Variants in CLIC2 observed in about 807,000 individuals in gnomAD.
CLIC2 encodes chloride intracellular channel protein 2.
Under a neutral mutation model 14.8 loss-of-function variants are expected in CLIC2, and 9 were observed. That is an observed-to-expected ratio of 0.61 (90% confidence interval 0.37 to 1.06). The LOEUF (loss-of-function observed/expected upper bound fraction) is 1.06, where lower values mean the gene tolerates loss of function less well. Ranked by LOEUF, CLIC2 falls within the 50% of genes least tolerant of loss-of-function variation. The pLI is 0.01. For missense variants in CLIC2, 148 were observed against 181.4 expected (o/e 0.82, Z 1.06); for synonymous variants, 61 against 66.3 (o/e 0.92, Z 0.39).
intron 3 of CLIC2, chrX:155,293,393 C>T: frequency 3.2e-6 from 3 of 939,341 alleles, no homozygotes; most frequent in Non-Finnish European, 4.6e-6. Flanking sequence ...ATACACTGCT[C>T]CCAGTGTGAG....
chrX:155,304,947 C>T (rs1233216177), intron 1 of CLIC2, among the ~76,000 whole-genome samples: 1 of 106,416 alleles, frequency 9.4e-6, no homozygotes, highest in Non-Finnish European at 2.0e-5. Context: ...TCTCAGATCT[C>T]CAGCTGCGTG....
intron 1 of CLIC2, among the ~76,000 whole-genome samples, chrX:155,302,651 A>C (rs1313286195): frequency 1.3e-4 from 8 of 62,496 alleles, no homozygotes; most frequent in African/African-American, 3.2e-4. Context: ...TTGCTTTTCT[A>C]GTTCTTTTAA....
chrX:155,319,531 T>C (rs782689949), intron 1 of CLIC2, among the ~76,000 whole-genome samples: 6 of 112,429 alleles, frequency 5.3e-5, no homozygotes, highest in South Asian at 3.7e-4. Context: ...CTGGCCCAGA[T>C]ACTATGCTTT....
intron 1 of CLIC2, among the ~76,000 whole-genome samples, chrX:155,300,028 A>G (rs781889114): frequency 1.4e-3 from 151 of 109,348 alleles, no homozygotes; most frequent in African/African-American, 4.9e-3. Flanking sequence ...ATAATGCCGC[A>G]ATAAACATAC....
chrX:155,319,527 C>T (rs1411046805), intron 1 of CLIC2, among the ~76,000 whole-genome samples: 1 of 112,299 alleles, frequency 8.9e-6, no homozygotes, highest in African/African-American at 3.2e-5. Flanking sequence ...CACTCTGGCC[C>T]AGATACTATG....
intron 1 of CLIC2, among the ~76,000 whole-genome samples, chrX:155,331,697 G>C (rs1335213825): frequency 9.0e-6 from 1 of 111,102 alleles, no homozygotes; most frequent in Non-Finnish European, 1.9e-5. Flanking sequence ...CTAATCAAGA[G>C]TTGATGACAT....
At chrX:155,318,117 A>C (rs1409826146) in intron 1 of CLIC2, among the ~76,000 whole-genome samples, 1 of 111,689 alleles carries the variant, frequency 9.0e-6, no homozygotes, top group Admixed American at 9.5e-5. Flanking sequence ...CAGGGAAAAG[A>C]TGAAAGCATT....
At chrX:155,298,731 C>T (rs200903076) in intron 3 of CLIC2, 54 bp downstream of exon 3, 2 of 1,179,283 alleles carry the variant, frequency 1.7e-6, no homozygotes, top group Middle Eastern at 2.9e-4. Flanking sequence ...CTGCAATAAA[C>T]AAGCCAGTAA....
chrX:155,333,825 G>GT (rs782525605), intron 1 of CLIC2, among the ~76,000 whole-genome samples: 30 of 109,143 alleles, frequency 2.7e-4, no homozygotes, highest in African/African-American at 8.6e-4. Flanking sequence ...ACAGACTCCT[G>GT]TTTTTTTTCT....
chrX:155,291,926 T>C (rs782719470), intron 3 of CLIC2, among the ~76,000 whole-genome samples: 2 of 112,205 alleles, frequency 1.8e-5, no homozygotes, highest in East Asian at 5.6e-4. Context: ...ACCTTCTCCA[T>C]TCCCGCCCGC....
intron 3 of CLIC2, among the ~76,000 whole-genome samples, chrX:155,294,124 G>C (rs1602937247): frequency 8.9e-6 from 1 of 111,769 alleles, no homozygotes; most frequent in African/African-American, 3.2e-5. Context: ...TCAGCACATG[G>C]AATATTCTCC....
chrX:155,287,169 C>T (rs1169838687), intron 3 of CLIC2, among the ~76,000 whole-genome samples: 3 of 111,610 alleles, frequency 2.7e-5, no homozygotes, highest in African/African-American at 6.5e-5. Flanking sequence ...CAGCTTCAAT[C>T]GTCTGCATAG....
chrX:155,304,486 A>T (rs1418309038), intron 1 of CLIC2, among the ~76,000 whole-genome samples: 2 of 77,560 alleles, frequency 2.6e-5, no homozygotes, highest in Non-Finnish European at 5.2e-5. Flanking sequence ...ATTCTTCTAA[A>T]TTTTTTTCAA....
intron 1 of CLIC2, among the ~76,000 whole-genome samples, chrX:155,328,139 T>A (rs1557322515): frequency 9.0e-6 from 1 of 111,124 alleles, no homozygotes; most frequent in Non-Finnish European, 1.9e-5. Context: ...TTATTCAACA[T>A]AGTACTGGAA....
intron 1 of CLIC2, among the ~76,000 whole-genome samples, chrX:155,307,672 G>A (rs1363819801): frequency 9.0e-6 from 1 of 111,143 alleles, no homozygotes; most frequent in South Asian, 3.8e-4. Context: ...ATCACTTGAG[G>A]TCAGGGGTTC....
At chrX:155,305,773 G>C (rs1280707987) in intron 1 of CLIC2, among the ~76,000 whole-genome samples, 1 of 112,172 alleles carries the variant, frequency 8.9e-6, no homozygotes, top group Non-Finnish European at 1.9e-5. Context: ...TGTGATATAT[G>C]TTACATGTAA....
chrX:155,325,251 T>C (rs1343238166), intron 1 of CLIC2, among the ~76,000 whole-genome samples: 1 of 111,626 alleles, frequency 9.0e-6, no homozygotes, highest in African/African-American at 3.3e-5. Flanking sequence ...AGCAATCCCA[T>C]TACTGGGTAT....
Position 155,277,562 on chromosome X carries a change from G to A in CLIC2, c.*341C>T. On this transcript the variant is annotated 3_prime_UTR_variant, in exon 6 of 6. Coordinates refer to ENST00000369449, the MANE Select transcript of CLIC2 (RefSeq NM_001289.6). ...TGTTTCTAAGGAGCAGGGTGAGATT[G>A]TACCTCTACTTATGACATTTATAAC... 1 of 171,629 alleles carries A rather than the reference G, an allele frequency of 5.8e-6. No homozygotes were observed. Among genetic ancestry groups the A allele is most frequent in the Non-Finnish European group, 1.1e-5 (1 of 91,575 alleles). The allele number at this position is 171,629 out of a possible 1,213,427, so 14.1% of individuals were successfully genotyped here.
intron 3 of CLIC2, among the ~76,000 whole-genome samples, chrX:155,280,406 G>GC (rs782707161): frequency 8.9e-6 from 1 of 112,121 alleles, no homozygotes; most frequent in South Asian, 3.7e-4. Context: ...GAAAAATATG[G>GC]TTTTGGCCAG....
Sources: gnomAD v4.1 joint callset for allele counts (sites outside exome capture counted in the v4.1 genomes callset) on GRCh38, gnomAD v4.1.1 for gene constraint, MANE v1.5 for transcripts, NCBI Gene and HGNC (gene_info 2026-07-23, HGNC 2026-07-21) for gene names.